Variants in NEBL observed in about 807,000 individuals in gnomAD.
NEBL encodes the protein LIM and SH3 protein 2.
A neutral mutation model predicts 140.2 loss-of-function variants in NEBL; 122 were observed. The observed-to-expected ratio is 0.87, with a 90% CI of 0.75 to 1.01. The LOEUF is 1.01. NEBL is among the 50% of genes least tolerant of loss of function. NEBL has a pLI of 0.00. For missense variants in NEBL, 1,365 were observed against 1,231.3 expected, an observed-to-expected ratio of 1.11 and a Z score of -1.62; for synonymous variants, 436 against 398.9, an observed-to-expected ratio of 1.09 and a Z score of -1.11.
chr10:21,059,358 T>C (rs577684365), intron 2 of NEBL, among the ~76,000 whole-genome samples: 1 of 152,334 alleles, frequency 6.6e-6, no homozygotes, highest in South Asian at 2.1e-4. Context: ...ACATTGACAT[T>C]AACAGATGGA....
intron 1 of NEBL, among the ~76,000 whole-genome samples, chr10:21,262,954 A>G (rs1379251927): frequency 2.0e-5 from 3 of 152,232 alleles, no homozygotes; most frequent in Non-Finnish European, 4.4e-5. Flanking sequence ...CTCTTTCAGC[A>G]TCAGGGGACA....
At chr10:20,893,503 T>G (rs572141048) in intron 2 of NEBL, among the ~76,000 whole-genome samples, 38 of 152,118 alleles carry the variant, frequency 2.5e-4, no homozygotes, top group Middle Eastern at 6.8e-3. Context: ...AAGCAGAAAC[T>G]AGGTGGGGGG....
rs964552949 is a variant in NEBL, at chr10:21,034,167, GAAAAAAAAAA to G, written c.165-13976_165-13967del. Reference sequence around the variant, plus strand: ...AGGCAACAGAGCAAGACCCTATCTCGAAAAAAAAAAAAAAAAAAAAAAAGACCCAAACAAA... The same window carrying G: ...AGGCAACAGAGCAAGACCCTATCTCGAAAAAAAAAAAAAGACCCAAACAAA... On this transcript the variant is annotated intron_variant, in intron 2 of 6. Transcript: ENST00000417816. 2.4e-4 allele frequency among the ~76,000 whole-genome samples: 8 copies of G among 33,492 alleles called. No individual in the cohort carries two copies. The East Asian group carries it at 7.3e-3, about 31-fold the overall frequency. The allele number at this position is 33,492 out of a possible 152,430, so 22.0% of individuals were successfully genotyped here.
intron 2 of NEBL, among the ~76,000 whole-genome samples, chr10:21,153,795 T>C (rs995841757): frequency 4.6e-5 from 7 of 152,132 alleles, no homozygotes; most frequent in Admixed American, 3.9e-4. Flanking sequence ...GTTACAGGCG[T>C]GAGCCACCGT....
chr10:21,120,425 A>AT (rs1838507960), intron 2 of NEBL, among the ~76,000 whole-genome samples: 1 of 64,910 alleles, frequency 1.5e-5, no homozygotes, highest in Admixed American at 1.3e-4. Context: ...TATATATATA[A>AT]ATTTGATCAC....
intron 2 of NEBL, among the ~76,000 whole-genome samples, chr10:21,146,714 G>A (rs894392311): frequency 8.6e-5 from 13 of 152,030 alleles, no homozygotes; most frequent in African/African-American, 2.9e-4. Flanking sequence ...CAATGCCCTG[G>A]TAAAGTAAAA....
chr10:21,032,522 A>G (rs1833843106), intron 2 of NEBL, among the ~76,000 whole-genome samples: 1 of 152,136 alleles, frequency 6.6e-6, no homozygotes. Flanking sequence ...CTGTAGCAGC[A>G]CCTCTATAAA....
At chr10:21,245,466 A>C (rs945125826) in intron 3 of NEBL, among the ~76,000 whole-genome samples, 1 of 152,214 alleles carries the variant, frequency 6.6e-6, no homozygotes, top group Non-Finnish European at 1.5e-5. Context: ...CCGGTAGGGA[A>C]GTAGGGATTT....
At chr10:21,242,962 C>T (rs552552962) in intron 3 of NEBL, among the ~76,000 whole-genome samples, 31 of 152,268 alleles carry the variant, frequency 2.0e-4, no homozygotes, top group Non-Finnish European at 2.4e-4. Context: ...ATCAGGCAGT[C>T]TCCTTTGGGT....
At chr10:21,162,358 G>GT (rs397844773) in intron 2 of NEBL, among the ~76,000 whole-genome samples, 1 of 152,084 alleles carries the variant, frequency 6.6e-6, no homozygotes, top group East Asian at 1.9e-4. Context: ...ATCTGAGGGG[G>GT]TCGTGGGAAC....
chr10:20,939,372 A>G (rs926150507), intron 4 of NEBL, among the ~76,000 whole-genome samples: 6 of 152,204 alleles, frequency 3.9e-5, no homozygotes, highest in Admixed American at 3.9e-4. Flanking sequence ...TACTTTACAG[A>G]CAAGCAAATG....
chr10:20,790,493 C>T (rs954537400), intron 26 of NEBL, among the ~76,000 whole-genome samples: 7 of 150,766 alleles, frequency 4.6e-5, no homozygotes, highest in African/African-American at 7.3e-5. Context: ...CCCAGCTACT[C>T]GGGAGGCTGA....
intron 3 of NEBL, among the ~76,000 whole-genome samples, chr10:20,997,864 T>A (rs1837735605): frequency 6.6e-6 from 1 of 152,128 alleles, no homozygotes; most frequent in African/African-American, 2.4e-5. Context: ...TTAAGATGGG[T>A]ACAGCCAACA....
chr10:21,139,626 C>T (rs979488095), intron 2 of NEBL, among the ~76,000 whole-genome samples: 13 of 152,192 alleles, frequency 8.5e-5, no homozygotes, highest in African/African-American at 2.9e-4. Flanking sequence ...CCCCAAATCT[C>T]TGCCAGATAA....
chr10:20,886,395 G>T lies in NEBL; in HGVS notation c.369+1702C>A, dbSNP rs191987330. On this transcript the variant is annotated intron_variant, in intron 4 of 27. Coordinates refer to ENST00000377122, the MANE Select transcript of NEBL (RefSeq NM_006393.3). The stretch of plus-strand genomic sequence containing the variant: ...AATACAAAAATTAGCTGGGTGTGGT[G>T]GTGTGCGCCTGTAATGCCAGCTACT... Among the ~76,000 whole-genome samples the T allele has an allele frequency of 2.6e-5, 4 of 152,024 alleles. No individual in the cohort carries two copies. The East Asian group carries it at 7.7e-4, about 29-fold the overall frequency.
At chr10:20,795,239 G>A (rs1188834890) in intron 26 of NEBL, among the ~76,000 whole-genome samples, 1 of 152,140 alleles carries the variant, frequency 6.6e-6, no homozygotes, top group Non-Finnish European at 1.5e-5. Flanking sequence ...AAGTGAGAAA[G>A]AGGGAAAGGT....
intron 2 of NEBL, among the ~76,000 whole-genome samples, chr10:21,154,196 C>T (rs1015473037): frequency 2.6e-5 from 4 of 151,970 alleles, no homozygotes; most frequent in Non-Finnish European, 4.4e-5. Flanking sequence ...CAGTGGCTCA[C>T]ATCTGTAACC....
intron 2 of NEBL, among the ~76,000 whole-genome samples, chr10:21,055,015 A>C (rs1167584045): frequency 6.6e-6 from 1 of 152,214 alleles, no homozygotes; most frequent in Non-Finnish European, 1.5e-5. Context: ...TTCTGTTAAG[A>C]GGGAGATGAA....
intron 4 of NEBL, among the ~76,000 whole-genome samples, chr10:20,911,001 C>A (rs1212156656): frequency 6.6e-6 from 1 of 151,694 alleles, no homozygotes; most frequent in African/African-American, 2.4e-5. Flanking sequence ...GACCCTGTCT[C>A]TAAAATAGAA....
Sources: allele counts gnomAD v4.1 joint callset (sites outside exome capture counted in the v4.1 genomes callset), GRCh38; gene constraint gnomAD v4.1.1; transcripts MANE v1.5; gene names NCBI Gene and HGNC (gene_info 2026-07-23, HGNC 2026-07-21).